MYT1L: variants seen among roughly 807,000 people sequenced by gnomAD.
MYT1L encodes the protein myelin transcription factor 1 like.
A neutral mutation model predicts 126.7 loss-of-function variants in MYT1L; 12 were observed. The observed-to-expected ratio is 0.09, with a 90% CI of 0.06 to 0.15. The LOEUF (loss-of-function observed/expected upper bound fraction) is 0.15, where lower values mean the gene tolerates loss of function less well. Among genes scored for constraint, MYT1L ranks in the 10% least tolerant of loss-of-function variants. MYT1L has a pLI of 1.00. For synonymous variants in MYT1L, 541 were observed against 604.2 expected, an observed-to-expected ratio of 0.90 and a Z score of 1.53; for missense variants, 979 against 1,585.2, an observed-to-expected ratio of 0.62 and a Z score of 6.49.
Position 2,059,339 on chromosome 2 carries a change from C to T in MYT1L, c.-303-5216G>A, listed in dbSNP as rs1000530010. Among the ~76,000 whole-genome samples, 9 of 152,308 alleles carry T rather than the reference C, an allele frequency of 5.9e-5. No homozygotes were observed. The highest frequency in any genetic ancestry group is 3.4e-3 in the Middle Eastern group (1 of 294). On this transcript the variant is annotated intron_variant, in intron 3 of 24. Transcript: ENST00000647738. The surrounding 1 kb of genome is among the most constrained non-coding windows in gnomAD (Gnocchi z 4.7). ...ACATGCCATCTTGTCCCATGCAACA[C>T]AAAACATGCAGGGCACCGCAGTAAG...
At chr2:2,073,493 A>G (rs1374872673) in intron 3 of MYT1L, among the ~76,000 whole-genome samples, 1 of 152,004 alleles carries the variant, frequency 6.6e-6, no homozygotes, top group Non-Finnish European at 1.5e-5. Flanking sequence ...TCTCTCTCCT[A>G]CGGGGAAGAG....
chr2:2,223,970 G>A (rs907594256), intron 2 of MYT1L, among the ~76,000 whole-genome samples: 5 of 152,144 alleles, frequency 3.3e-5, no homozygotes, highest in Admixed American at 2.6e-4. Context: ...TGCTGAGGTC[G>A]GTGGGCCCTT....
chr2:1,869,438 G>C (rs552081417), intron 18 of MYT1L, among the ~76,000 whole-genome samples: 2 of 152,362 alleles, frequency 1.3e-5, no homozygotes, highest in Admixed American at 1.3e-4. Context: ...TCCTGTGCAC[G>C]GTGCCGGTGC....
intron 8 of MYT1L, among the ~76,000 whole-genome samples, chr2:1,957,599 T>TTATC (rs113803976): frequency 5.9e-4 from 90 of 151,876 alleles, no homozygotes; most frequent in Admixed American, 9.2e-4. Flanking sequence ...TATCTATCTA[T>TTATC]TATCTATCTA....
At chr2:2,253,068 C>A (rs1274232150) in intron 2 of MYT1L, among the ~76,000 whole-genome samples, 2 of 151,092 alleles carry the variant, frequency 1.3e-5, no homozygotes, top group Non-Finnish European at 2.9e-5. Flanking sequence ...TAGAGTCAAT[C>A]AAAGAGAAGA....
intron 4 of MYT1L, among the ~76,000 whole-genome samples, chr2:2,039,507 A>G (rs2067275408): frequency 6.6e-6 from 1 of 152,198 alleles, no homozygotes; most frequent in Admixed American, 6.5e-5. Context: ...CCTGACTGTT[A>G]GGGAAGTTTA....
At position 1,922,292 on chromosome 2, in the gene MYT1L, C is replaced by G; in HGVS notation, c.1477G>C (p.Gly493Arg). The change falls in exon 10 of 25, where the codon GGT becomes CGT. Residue 493 changes from glycine to arginine, a missense_variant. Gly to Arg is a moderately radical substitution (Grantham distance 125, BLOSUM62 -2). Transcript: ENST00000647738. This position sits in a 1 kb window ranked among gnomAD's most constrained non-coding sequence, Gnocchi z 7.4. ...SDSHVKKPYY[G>R]KDPSRTEKKE... ...CGTTAGGTAGAAATATTACCTTTAC[C>G]ATAGTATGGCTTTTTGACATGGCTG... The G allele has an allele frequency of 1.2e-6, 2 of 1,613,336 alleles. No homozygotes were observed. The highest frequency in any genetic ancestry group is 1.7e-6 in the Non-Finnish European group (2 of 1,179,464).
Position 1,806,031 on chromosome 2 carries a change from C to A in MYT1L, c.3172+3045G>T, listed in dbSNP as rs2035649046. On this transcript the variant is annotated intron_variant, in intron 22 of 24. Transcript: ENST00000647738. This position sits in a 1 kb window ranked among gnomAD's most constrained non-coding sequence, Gnocchi z 4.9. ...GAGCATCAGGAATTGGATGCTGTGC[C>A]TCTGTCCCCTGAAGAGCCGCAGGAA... Among the ~76,000 whole-genome samples the A allele has an allele frequency of 7.2e-6, 1 of 139,438 alleles. No homozygotes were observed. Among genetic ancestry groups the A allele is most frequent in the African/African-American group, 2.5e-5 (1 of 40,186 alleles). 91.5% of individuals were successfully genotyped at this position (139,438 alleles called of 152,430 possible).
intron 23 of MYT1L, among the ~76,000 whole-genome samples, chr2:1,795,917 T>C (rs2033377525): frequency 6.6e-6 from 1 of 152,154 alleles, no homozygotes; most frequent in Admixed American, 6.6e-5. Flanking sequence ...CCTCAGCGTT[T>C]CTTAGATTGC....
At chr2:1,932,693 C>T (rs773483267) in intron 9 of MYT1L, among the ~76,000 whole-genome samples, 4 of 152,166 alleles carry the variant, frequency 2.6e-5, no homozygotes, top group Non-Finnish European at 5.9e-5. Flanking sequence ...GAAGGTGCCA[C>T]TTGAGCAGAG....
At chr2:2,134,289 G>A (rs1039513124) in intron 3 of MYT1L, among the ~76,000 whole-genome samples, 3 of 152,120 alleles carry the variant, frequency 2.0e-5, no homozygotes, top group African/African-American at 4.8e-5. Context: ...ACCATGCCAC[G>A]AAGATGCCTC....
intron 18 of MYT1L, among the ~76,000 whole-genome samples, chr2:1,881,355 CGTGTGT>C (rs59171974): frequency 0.07 from 9,706 of 139,126 alleles, 408 homozygotes; most frequent in Admixed American, 0.14. Flanking sequence ...TTTGCAGGTT[CGTGTGT>C]GTGTGTGTGT....
At chr2:1,864,521 A>G (rs1386978227) in intron 18 of MYT1L, among the ~76,000 whole-genome samples, 1 of 152,158 alleles carries the variant, frequency 6.6e-6, no homozygotes, top group African/African-American at 2.4e-5. Flanking sequence ...AGTTTGCTGG[A>G]CACTCCCCAG....
chr2:2,157,367 A>G (rs1002310098), intron 3 of MYT1L, among the ~76,000 whole-genome samples: 2 of 152,242 alleles, frequency 1.3e-5, no homozygotes, highest in African/African-American at 2.4e-5. Context: ...AACAAACTTA[A>G]TATGTCCATG....
chr2:2,099,781 C>T (rs1239147742), intron 3 of MYT1L, among the ~76,000 whole-genome samples: 2 of 152,196 alleles, frequency 1.3e-5, no homozygotes, highest in East Asian at 1.9e-4. Context: ...AGTACAGCCA[C>T]GCATTTTAAG....
At chr2:1,872,052 C>T (rs563145879) in intron 18 of MYT1L, among the ~76,000 whole-genome samples, 10 of 152,088 alleles carry the variant, frequency 6.6e-5, no homozygotes, top group African/African-American at 9.7e-5. Flanking sequence ...CTGGTGCAGC[C>T]GCATGAAGGT....
intron 3 of MYT1L, among the ~76,000 whole-genome samples, chr2:2,078,596 G>C (rs973514741): frequency 1.3e-5 from 2 of 152,158 alleles, no homozygotes; most frequent in African/African-American, 4.8e-5. Context: ...TGCAAAAAAG[G>C]ATATTTTATG....
In MYT1L at chr2:2,097,948, AT is replaced by A. The variant is rs58907087; in HGVS notation, c.-303-43826del. 2.5e-3 allele frequency among the ~76,000 whole-genome samples: 376 copies of A among 152,218 alleles called. 2 individuals are homozygous for A. The highest frequency in any genetic ancestry group is 8.6e-3 in the African/African-American group (356 of 41,546). ...AGTTCTTGTTCTGAGTTCATGTAAG[AT>A]CTGGTTGTGTAAAAGTGTGGCACCT... On this transcript the variant is annotated intron_variant, in intron 3 of 24. Transcript: ENST00000647738.
chr2:1,886,763 C>T (rs565667845), intron 17 of MYT1L, among the ~76,000 whole-genome samples, 156 bp from the exon 18 acceptor site: 6 of 151,930 alleles, frequency 3.9e-5, no homozygotes, highest in South Asian at 2.1e-4. Context: ...AATTCTGAAT[C>T]GGTTCGAATA....
Sources: allele counts gnomAD v4.1 joint callset (sites outside exome capture counted in the v4.1 genomes callset), GRCh38; gene constraint gnomAD v4.1.1; non-coding constraint Gnocchi (gnomAD v3.1); transcripts MANE v1.5; gene names NCBI Gene and HGNC (gene_info 2026-07-23, HGNC 2026-07-21).